The following ZMYND11 variants were observed in gnomAD, a reference collection of about 807,000 sequenced individuals.
ZMYND11 encodes zinc finger MYND-type containing 11.
In ZMYND11, 9 loss-of-function variants were observed where a neutral mutation model predicts 84.9. The ratio of observed to expected loss-of-function variants is 0.11; its 90% CI spans 0.06 to 0.18. The LOEUF (loss-of-function observed/expected upper bound fraction) is 0.18. Ranked by LOEUF, ZMYND11 falls within the 10% of genes least tolerant of loss-of-function variation. ZMYND11 has a pLI of 1.00. For missense variants in ZMYND11, 409 were observed against 761.0 expected, an observed-to-expected ratio of 0.54 and a Z score of 5.44; for synonymous variants, 250 against 244.1, an observed-to-expected ratio of 1.02 and a Z score of -0.23.
In ZMYND11 at chr10:253,244, CA is replaced by C. The variant is rs1456154632; in HGVS notation, c.*779del. ...TGAGTGCTTGTAACAAAATAAACAA[CA>C]AAAACAAAGCCAAAAACTACCTTTA... On this transcript the variant is annotated 3_prime_UTR_variant, in exon 15 of 15. Transcript: ENST00000381604. The C allele has an allele frequency of 6.6e-6, 1 of 152,652 alleles. No homozygotes were observed. Among genetic ancestry groups the C allele is most frequent in the East Asian group, 1.9e-4 (1 of 5,160 alleles). 9.5% of individuals were successfully genotyped at this position (152,652 alleles called of 1,614,324 possible).
chr10:133,107 G>A (rs901817126), upstream of ZMYND11, among the ~76,000 whole-genome samples: 5 of 152,058 alleles, frequency 3.3e-5, no homozygotes, highest in Non-Finnish European at 5.9e-5. Flanking sequence ...ATGGCCTCTT[G>A]GTATGCATTT....
chr10:245,541 A>G (rs1409442075), intron 10 of ZMYND11, among the ~76,000 whole-genome samples: 7 of 152,250 alleles, frequency 4.6e-5, no homozygotes, highest in Non-Finnish European at 1.0e-4. Context: ...GTGTGTTTAT[A>G]GTACCATATC....
intron 2 of ZMYND11, among the ~76,000 whole-genome samples, chr10:193,569 T>C (rs1305034524): frequency 2.0e-5 from 3 of 152,228 alleles, no homozygotes; most frequent in Non-Finnish European, 4.4e-5. Context: ...ACAAAAAGCT[T>C]GAAATCGTTA....
chr10:217,455 G>A (rs992910423), intron 3 of ZMYND11, among the ~76,000 whole-genome samples: 4 of 151,918 alleles, frequency 2.6e-5, no homozygotes, highest in Admixed American at 6.6e-5. Flanking sequence ...CCTGGGAGGC[G>A]GAGGTTGCAG....
intron 2 of ZMYND11, among the ~76,000 whole-genome samples, chr10:199,046 C>T (rs1474939142): frequency 6.6e-6 from 1 of 152,164 alleles, no homozygotes; most frequent in Admixed American, 6.6e-5. Flanking sequence ...CAGTTTTTGT[C>T]TCCCTGTCCC....
upstream of ZMYND11, among the ~76,000 whole-genome samples, chr10:130,580 C>T (rs531133951): frequency 1.3e-5 from 2 of 152,242 alleles, no homozygotes; most frequent in East Asian, 1.9e-4. Context: ...ACTATGAAAT[C>T]GTATATTATT....
In ZMYND11 at chr10:215,561, G is replaced by GT. The variant is rs764307085; in HGVS notation, c.276+5527dup. On this transcript the variant is annotated intron_variant, in intron 3 of 14. Coordinates refer to ENST00000381604, the MANE Select transcript of ZMYND11 (RefSeq NM_001370100.5). Reference sequence around the variant, plus strand: ...GGCCTAGGGGGCATCTTTGTTTTTTGTTTTTTTTTTTTTTGAGACAGGGTC... The same window carrying GT: ...GGCCTAGGGGGCATCTTTGTTTTTTGTTTTTTTTTTTTTTTGAGACAGGGTC... Among the ~76,000 whole-genome samples, 1,374 of 138,212 alleles carry GT rather than the reference G, an allele frequency of 9.9e-3. 8 individuals carry two copies. Among genetic ancestry groups the GT allele is most frequent in the African/African-American group, 0.014 (548 of 37,960 alleles). 90.7% of individuals were successfully genotyped at this position (138,212 alleles called of 152,430 possible).
intron 2 of ZMYND11, among the ~76,000 whole-genome samples, chr10:187,153 G>A (rs1938838178): frequency 6.6e-6 from 1 of 151,950 alleles, no homozygotes; most frequent in African/African-American, 2.4e-5. Context: ...TTGAGCCCAG[G>A]AGATCAAGGC....
intron 2 of ZMYND11, among the ~76,000 whole-genome samples, chr10:196,351 A>G (rs1941742697): frequency 6.6e-6 from 1 of 152,236 alleles, no homozygotes; most frequent in Non-Finnish European, 1.5e-5. Flanking sequence ...TATCGAAGTG[A>G]AAGAGAAGAC....
chr10:201,849 A>G (rs560850710), intron 2 of ZMYND11, among the ~76,000 whole-genome samples: 1 of 152,266 alleles, frequency 6.6e-6, no homozygotes, highest in East Asian at 1.9e-4. Flanking sequence ...TTAATATTAG[A>G]CATTTACATG....
At chr10:149,530 T>A (rs990166663) in intron 1 of ZMYND11, among the ~76,000 whole-genome samples, 13 of 151,994 alleles carry the variant, frequency 8.6e-5, no homozygotes, top group Non-Finnish European at 1.6e-4. Flanking sequence ...CAGGATGGTC[T>A]CGATCTCCTG....
chr10:161,855 T>C (rs1290631245), intron 1 of ZMYND11, among the ~76,000 whole-genome samples: 1 of 152,204 alleles, frequency 6.6e-6, no homozygotes, highest in Non-Finnish European at 1.5e-5. Context: ...ACTAAAATAT[T>C]TTCCAAAGCA....
chr10:148,153 A>G (rs1164903302), intron 1 of ZMYND11: 1 of 152,376 alleles, frequency 6.6e-6, no homozygotes, highest in African/African-American at 2.4e-5. Context: ...ATTTCCATGT[A>G]CAGGTGGTTC....
At chr10:237,413 CAGG>C (rs1185563199) in intron 5 of ZMYND11, among the ~76,000 whole-genome samples, 169 bp from the exon 6 acceptor site, 1 of 152,264 alleles carries the variant, frequency 6.6e-6, no homozygotes, top group African/African-American at 2.4e-5. Context: ...GAGGCCAAGG[CAGG>C]AGGATTGCTT....
chr10:250,063 G>T (rs375149370), intron 14 of ZMYND11, among the ~76,000 whole-genome samples: 2 of 152,176 alleles, frequency 1.3e-5, no homozygotes, highest in Non-Finnish European at 2.9e-5. Flanking sequence ...AAGTGAAAGC[G>T]TGCTTTCCGA....
chr10:139,819 C>G (rs1837084179), intron 1 of ZMYND11, among the ~76,000 whole-genome samples: 1 of 140,970 alleles, frequency 7.1e-6, no homozygotes, highest in African/African-American at 2.6e-5. Context: ...TCAAGTGATT[C>G]TCATGCCTTA....
intron 2 of ZMYND11, among the ~76,000 whole-genome samples, chr10:208,477 A>G (rs2915537): frequency 0.94 from 142,604 of 152,242 alleles, 67,057 homozygotes; most frequent in Non-Finnish European, 0.98. Context: ...CAAAAAGTGG[A>G]CGAAGGACAT....
chr10:203,595 T>C (rs533513814), intron 2 of ZMYND11, among the ~76,000 whole-genome samples: 1 of 152,146 alleles, frequency 6.6e-6, no homozygotes, highest in Non-Finnish European at 1.5e-5. Context: ...CCACAATGAG[T>C]CTGAAAAAGA....
At chr10:166,250 A>G (rs1271814859) in intron 1 of ZMYND11, among the ~76,000 whole-genome samples, 16 of 152,164 alleles carry the variant, frequency 1.1e-4, no homozygotes, top group African/African-American at 3.9e-4. Context: ...GTTAAGTTAT[A>G]TTTTATCAAA....
Sources: gnomAD v4.1 joint callset for allele counts (sites outside exome capture counted in the v4.1 genomes callset) on GRCh38, gnomAD v4.1.1 for gene constraint, MANE v1.5 for transcripts, NCBI Gene and HGNC (gene_info 2026-07-23, HGNC 2026-07-21) for gene names.